SMYD4: variants seen among roughly 807,000 people sequenced by gnomAD.
The protein encoded by SMYD4 is protein-lysine N-methyltransferase SMYD4.
In SMYD4, 68 loss-of-function variants were observed where a neutral mutation model predicts 72.8. The ratio of observed to expected loss-of-function variants is 0.93; its 90% CI spans 0.77 to 1.14. The LOEUF (loss-of-function observed/expected upper bound fraction) is 1.14, where lower values mean the gene tolerates loss of function less well. SMYD4 is among the 50% of genes most tolerant of loss of function. The pLI is 0.00. For missense variants in SMYD4, 984 were observed against 1,003.7 expected (o/e 0.98, Z 0.27); for synonymous variants, 407 against 388.6 (o/e 1.05, Z -0.56).
rs1162621418 is a variant in SMYD4, at chr17:1,799,964, A to G, written c.1430T>C (p.Val477Ala). The G allele has an allele frequency of 1.9e-6, 3 of 1,614,128 alleles. No individual in the cohort carries two copies. The highest frequency in any genetic ancestry group is 2.5e-6 in the Non-Finnish European group (3 of 1,180,018). The change falls in exon 5 of 11, where the codon GTG (valine) becomes GCG (alanine). Residue 477 changes from valine to alanine, a missense_variant. Val to Ala is a moderately conservative substitution (Grantham distance 64, BLOSUM62 0). Coordinates refer to ENST00000305513, the MANE Select transcript of SMYD4 (RefSeq NM_052928.3). ...IVNSSQLKAA[V>A]TPELCPDVTI... The stretch of plus-strand genomic sequence containing the variant: ...CACGTCAGGACACAATTCAGGTGTC[A>G]CTGCTGCTTTAAGCTGAGAGGAGTT...
Position 1,783,378 on chromosome 17 carries a change from G to T in SMYD4, c.2119C>A (p.Arg707=). 1 of 1,612,398 alleles carries T rather than the reference G, an allele frequency of 6.2e-7. No individual in the cohort carries two copies. Among genetic ancestry groups the T allele is most frequent in the Non-Finnish European group, 8.5e-7 (1 of 1,180,022 alleles). Residue 707 remains arginine, a synonymous_variant, in exon 9 of 11, where the codon CGG becomes AGG. Coordinates refer to ENST00000305513, the MANE Select transcript of SMYD4 (RefSeq NM_052928.3). The stretch of plus-strand genomic sequence containing the variant: ...GCTGTACCTAAGGCAGCACAGGCCC[G>T]GGCCAGGCCATCCGCGATCTCTCCC... The part of the protein sequence containing the change: ...VVGEIADGLA[R]ACAALGDWQK...
At chr17:1,789,723 C>T (rs1422729633) in intron 5 of SMYD4, among the ~76,000 whole-genome samples, 2 of 135,186 alleles carry the variant, frequency 1.5e-5, no homozygotes, top group African/African-American at 5.3e-5. Context: ...CGAGATCGCA[C>T]CACTGCACTC....
rs755846343 is a variant in SMYD4 at position 1,800,324 on chromosome 17, A to C, written c.1070T>G (p.Leu357Trp). ...TTTGCGAACATCCTCAAATCCCACC[A>C]AAAGAGTCAACCTCAGGGCAATGTG... The part of the protein sequence containing the change: ...FCHIALRLTL[L>W]VGFEDVRKII... The change falls in exon 5 of 11, where the codon TTG (leucine) becomes TGG (tryptophan). Residue 357 changes from leucine (L) to tryptophan (W), a missense_variant. Leu to Trp is a moderately conservative substitution (Grantham distance 61). Transcript: ENST00000305513. The C allele has an allele frequency of 6.2e-7, 1 of 1,614,140 alleles. No individual in the cohort carries two copies. Among genetic ancestry groups the C allele is most frequent in the East Asian group, 2.2e-5 (1 of 44,890 alleles).
At chr17:1,785,436 AAAG>A (rs1236939307) in intron 7 of SMYD4, among the ~76,000 whole-genome samples, 1 of 69,424 alleles carries the variant, frequency 1.4e-5, no homozygotes, top group Non-Finnish European at 2.7e-5. Flanking sequence ...CACAAAAGAA[AAAG>A]AAAAAAAAAA....
In SMYD4 at chr17:1,799,951, C is replaced by T. The variant is rs201819786; in HGVS notation, c.1443G>A (p.Leu481=). The change falls in exon 5 of 11, where the codon TTG becomes TTA. Residue 481 remains leucine, a synonymous_variant. Coordinates refer to ENST00000305513, the MANE Select transcript of SMYD4 (RefSeq NM_052928.3). Reference sequence around the variant, plus strand: ...CTCCCCAAATAGTCACGTCAGGACACAATTCAGGTGTCACTGCTGCTTTAA... The same window carrying T: ...CTCCCCAAATAGTCACGTCAGGACATAATTCAGGTGTCACTGCTGCTTTAA... ...SQLKAAVTPE[L]CPDVTIWGVA... is the part of the protein sequence containing the mutation. 3.8e-5 allele frequency: 62 copies of T among 1,614,094 alleles called. No individual in the cohort carries two copies. In the South Asian group the frequency reaches 4.7e-4, roughly 12 times the overall value.
intron 3 of SMYD4, among the ~76,000 whole-genome samples, chr17:1,806,589 G>A (rs1329089226): frequency 2.0e-5 from 3 of 152,106 alleles, no homozygotes; most frequent in Admixed American, 6.6e-5. Context: ...ATAAAATGCA[G>A]ATTACAACTG....
At position 1,800,447 on chromosome 17, in the gene SMYD4, T is replaced by G; in HGVS notation, c.947A>C (p.Lys316Thr). 6.2e-7 allele frequency: 1 copy of G among 1,614,182 alleles called. No individual in the cohort carries two copies. Among genetic ancestry groups the G allele is most frequent in the Non-Finnish European group, 8.5e-7 (1 of 1,180,046 alleles). The change falls in exon 5 of 11, where the codon AAG becomes ACG. Residue 316 changes from lysine to threonine, a missense_variant. Physicochemically the swap from Lys to Thr is moderately conservative, Grantham distance 78. Transcript: ENST00000305513. ...CTGCAAACACTCCTGGCTGCAATAC[T>G]TGGCATAACTGCATCCGTCACACGG... is the stretch of plus-strand genomic sequence containing the variant. ...TVPCDGCSYA[K>T]YCSQECLQQA...
At position 1,821,501 on chromosome 17, in the gene SMYD4, C is replaced by T. The variant is rs998488750; in HGVS notation, c.134+6360G>A. 3.3e-5 allele frequency among the ~76,000 whole-genome samples: 5 copies of T among 151,432 alleles called. No homozygotes were observed. In the East Asian group the frequency reaches 7.8e-4, roughly 24 times the overall value. On this transcript the variant is annotated intron_variant, in intron 2 of 10. Transcript: ENST00000305513. ...TGCACTCCAGGCTGGGTGACAAGAG[C>T]GAAACTCTGTCTCAAAAAAACAAAA...
At chr17:1,808,107 T>C (rs1040849488) in intron 3 of SMYD4, among the ~76,000 whole-genome samples, 2 of 152,176 alleles carry the variant, frequency 1.3e-5, no homozygotes, top group Non-Finnish European at 2.9e-5. Flanking sequence ...AAAAAATACA[T>C]TCCTTCTGCC....
chr17:1,799,158 C>G (rs1384384795), intron 5 of SMYD4, among the ~76,000 whole-genome samples: 1 of 148,608 alleles, frequency 6.7e-6, no homozygotes, highest in African/African-American at 2.5e-5. Flanking sequence ...ACTGGGGAGG[C>G]TGAGGCAGGA....
chr17:1,823,584 C>G (rs1227332489), intron 2 of SMYD4, among the ~76,000 whole-genome samples: 1 of 152,064 alleles, frequency 6.6e-6, no homozygotes, highest in Non-Finnish European at 1.5e-5. Flanking sequence ...TTTCAAGTAC[C>G]CTTTCTCTCT....
At chr17:1,812,950 T>TTTA (rs1910413767) in intron 2 of SMYD4, among the ~76,000 whole-genome samples, 7 of 151,434 alleles carry the variant, frequency 4.6e-5, no homozygotes, top group Admixed American at 1.3e-4. Flanking sequence ...AAAGATTTTT[T>TTTA]TTTTTTGAGA....
In SMYD4 at chr17:1,799,941, C is replaced by T. The variant is rs778838603; in HGVS notation, c.1453G>A (p.Val485Met). 6 of 1,613,962 alleles carry T rather than the reference C, an allele frequency of 3.7e-6. No homozygotes were observed. In the African/African-American group the frequency reaches 4.0e-5, roughly 11 times the overall value. ...AAVTPELCPD[V>M]TIWGVAMLRH... ...AGCATCGCCACTCCCCAAATAGTCA[C>T]GTCAGGACACAATTCAGGTGTCACT... The change falls in exon 5 of 11, where the codon GTG (valine) becomes ATG (methionine). Residue 485 changes from valine to methionine, a missense_variant. Coordinates refer to ENST00000305513, the MANE Select transcript of SMYD4 (RefSeq NM_052928.3).
chr17:1,823,483 T>C (rs1193431909), intron 2 of SMYD4, among the ~76,000 whole-genome samples: 1 of 151,510 alleles, frequency 6.6e-6, no homozygotes, highest in Non-Finnish European at 1.5e-5. Flanking sequence ...CAAGATATTC[T>C]GGAATACGAA....
At chr17:1,817,907 C>A (rs1000028568) in intron 2 of SMYD4, among the ~76,000 whole-genome samples, 3 of 151,720 alleles carry the variant, frequency 2.0e-5, no homozygotes, top group Admixed American at 6.6e-5. Context: ...ATTAGCCAGG[C>A]GTGGTGGCGG....
intron 2 of SMYD4, among the ~76,000 whole-genome samples, chr17:1,817,417 A>T (rs1355131683): frequency 1.3e-5 from 2 of 151,930 alleles, no homozygotes; most frequent in Non-Finnish European, 2.9e-5. Context: ...GGCTCACTCC[A>T]GCCTTGACTG....
intron 2 of SMYD4, among the ~76,000 whole-genome samples, chr17:1,822,316 G>A (rs1420461446): frequency 6.6e-6 from 1 of 152,108 alleles, no homozygotes; most frequent in Non-Finnish European, 1.5e-5. Context: ...TCAGGAATGG[G>A]GAAGAGTGGA....
intron 5 of SMYD4, among the ~76,000 whole-genome samples, chr17:1,795,882 G>C (rs1453777497): frequency 6.6e-6 from 1 of 151,078 alleles, no homozygotes; most frequent in Non-Finnish European, 1.5e-5. Flanking sequence ...AAAGTTCAAA[G>C]AAGAAAGTAG....
intron 8 of SMYD4, 90 bp downstream of exon 8, chr17:1,784,236 C>T: frequency 6.4e-7 from 1 of 1,567,584 alleles, no homozygotes; most frequent in Non-Finnish European, 8.7e-7. Flanking sequence ...CCAATTCTCC[C>T]ATCAGTACTG....
Sources: gnomAD v4.1 joint callset for allele counts (sites outside exome capture counted in the v4.1 genomes callset) on GRCh38, gnomAD v4.1.1 for gene constraint, MANE v1.5 for transcripts, NCBI Gene and HGNC (gene_info 2026-07-23, HGNC 2026-07-21) for gene names.